DHRS3: variants seen among roughly 807,000 people sequenced by gnomAD.
DHRS3 encodes the protein short-chain dehydrogenase/reductase 3.
A neutral mutation model predicts 27.2 loss-of-function variants in DHRS3; 14 were observed. That is an observed-to-expected ratio of 0.52 (90% CI 0.34 to 0.81). The LOEUF (loss-of-function observed/expected upper bound fraction) is 0.81, where lower values mean the gene tolerates loss of function less well. DHRS3 is among the 30% of genes least tolerant of loss of function. The pLI, the probability that DHRS3 is intolerant of heterozygous loss-of-function variation, is 0.01. For synonymous variants in DHRS3, 165 were observed against 175.9 expected (o/e 0.94, Z 0.49); for missense variants, 322 against 406.2 (o/e 0.79, Z 1.78).
chr1:12,605,443 C>A (rs1415565323), intron 1 of DHRS3, among the ~76,000 whole-genome samples: 1 of 152,078 alleles, frequency 6.6e-6, no homozygotes, highest in Non-Finnish European at 1.5e-5. Context: ...ATTAATAGCA[C>A]CCTGTATATT....
chr1:12,617,327 C>T lies in DHRS3; in HGVS notation c.22G>A (p.Ala8Thr), dbSNP rs1646951164. 1 of 1,603,350 alleles carries T rather than the reference C, an allele frequency of 6.2e-7. No individual in the cohort carries two copies. Among genetic ancestry groups the T allele is most frequent in the Non-Finnish European group, 8.5e-7 (1 of 1,171,828 alleles). The part of the protein sequence containing the change: MVWKRLG[A>T]LVMFPLQMIY... ...ATCTGTAGAGGGAACATCACCAGCG[C>T]GCCCAGCCGTTTCCACACCATCCTC... Residue 8 changes from alanine to threonine, a missense_variant, in exon 1 of 6, where the codon GCG becomes ACG. Transcript: ENST00000616661.
chr1:12,592,300 A>G lies in DHRS3; in HGVS notation c.196-11634T>C, dbSNP rs557224669. On this transcript the variant is annotated intron_variant, in intron 1 of 5. Coordinates refer to ENST00000616661, the MANE Select transcript of DHRS3 (RefSeq NM_004753.7). This position sits in a 1 kb window ranked among gnomAD's most constrained non-coding sequence, Gnocchi z 4.2. Reference sequence around the variant, plus strand: ...CAAGTCCTAACCCTTGGTACCTGTGAATGTGACCTTATGCTGAAAGAGGGT... The same window carrying G: ...CAAGTCCTAACCCTTGGTACCTGTGGATGTGACCTTATGCTGAAAGAGGGT... Among the ~76,000 whole-genome samples, 1 of 152,194 alleles carries G rather than the reference A, an allele frequency of 6.6e-6. No homozygotes were observed. The highest frequency in any genetic ancestry group is 1.9e-4 in the East Asian group (1 of 5,174).
intron 1 of DHRS3, among the ~76,000 whole-genome samples, chr1:12,603,962 G>A (rs904170189): frequency 6.6e-6 from 1 of 152,202 alleles, no homozygotes; most frequent in African/African-American, 2.4e-5. Flanking sequence ...GCCTGCATCT[G>A]AGCCTGTAGG....
intron 1 of DHRS3, among the ~76,000 whole-genome samples, chr1:12,603,679 G>A (rs1358061807): frequency 6.6e-6 from 1 of 152,136 alleles, no homozygotes; most frequent in African/African-American, 2.4e-5. Context: ...GTGTTCCCTA[G>A]GAGGCTGTTT....
chr1:12,580,966 G>A (rs1646639038), intron 1 of DHRS3, among the ~76,000 whole-genome samples: 2 of 151,952 alleles, frequency 1.3e-5, no homozygotes, highest in Admixed American at 6.6e-5. Flanking sequence ...GGGACCACAG[G>A]TGCATGCTAC....
chr1:12,597,512 G>T (rs1445869716), intron 1 of DHRS3, among the ~76,000 whole-genome samples: 1 of 152,186 alleles, frequency 6.6e-6, no homozygotes, highest in Non-Finnish European at 1.5e-5. Flanking sequence ...CTGCTTTCTT[G>T]TCTTTGCAGC....
chr1:12,580,478 C>T (rs1480286653), intron 2 of DHRS3, 45 bp downstream of exon 2: 4 of 1,613,714 alleles, frequency 2.5e-6, no homozygotes, highest in African/African-American at 1.3e-5. Flanking sequence ...CCGGAATTAG[C>T]CTGTGGTCAG....
intron 5 of DHRS3, among the ~76,000 whole-genome samples, chr1:12,572,107 T>C (rs1272757602): frequency 6.6e-6 from 1 of 152,256 alleles, no homozygotes; most frequent in Non-Finnish European, 1.5e-5. Context: ...GGGTTTGTTA[T>C]AGCTATTTAT....
rs1422632761 is a variant in DHRS3, at chr1:12,618,056, C to T, written c.-708G>A. ...TGCAGCGCTCGCCCTCGCGCGCGCT[C>T]GCTCGCTCCGGCTCCCTCCCTCCCT... is the stretch of plus-strand genomic sequence containing the variant. On this transcript the variant is annotated 5_prime_UTR_variant, in exon 1 of 6. Coordinates refer to ENST00000616661, the MANE Select transcript of DHRS3 (RefSeq NM_004753.7). The surrounding 1 kb of genome is among the most constrained non-coding windows in gnomAD (Gnocchi z 4.2). Among the ~76,000 whole-genome samples, 1 of 152,100 alleles carries T rather than the reference C, an allele frequency of 6.6e-6. No homozygotes were observed. Among genetic ancestry groups the T allele is most frequent in the African/African-American group, 2.4e-5 (1 of 41,418 alleles).
intron 1 of DHRS3, among the ~76,000 whole-genome samples, chr1:12,607,294 C>T (rs1472650753): frequency 6.6e-6 from 1 of 152,154 alleles, no homozygotes; most frequent in African/African-American, 2.4e-5. Context: ...AAGGGTGATA[C>T]AGTTAAGCAT....
Position 12,600,659 on chromosome 1 carries a change from C to G in DHRS3, c.195+16495G>C, listed in dbSNP as rs76426581. On this transcript the variant is annotated intron_variant, in intron 1 of 5. Transcript: ENST00000616661. ...TGTGGGAGCACTAAAAGGAAGACCC[C>G]CCTCACCAACCACCTTGGAAGGACC... is the stretch of plus-strand genomic sequence containing the variant. Among the ~76,000 whole-genome samples the G allele has an allele frequency of 5.3e-3, 804 of 152,266 alleles. 9 individuals carry two copies. The highest frequency in any genetic ancestry group is 0.019 in the African/African-American group (779 of 41,544).
intron 1 of DHRS3, among the ~76,000 whole-genome samples, chr1:12,585,499 C>T (rs913592357): frequency 1.3e-5 from 2 of 152,144 alleles, no homozygotes; most frequent in Admixed American, 1.3e-4. Context: ...CACCTTCCAT[C>T]TTAGGAACCG....
intron 4 of DHRS3, among the ~76,000 whole-genome samples, chr1:12,576,738 G>T (rs1398513152): frequency 1.3e-5 from 2 of 151,530 alleles, no homozygotes; most frequent in Non-Finnish European, 2.9e-5. Flanking sequence ...ATTCAGAATT[G>T]ATGACAATTT....
In DHRS3 at chr1:12,617,198, C is replaced by A; in HGVS notation, c.151G>T (p.Gly51Trp). The change falls in exon 1 of 6, where the codon GGG becomes TGG. Residue 51 changes from glycine to tryptophan, a missense_variant. Coordinates refer to ENST00000616661, the MANE Select transcript of DHRS3 (RefSeq NM_004753.7). ...GCGAACTCGCGGGCGAGCTGACGCC[C>A]GATGCCTCTCCCGCCGCCGGTGATG... ...VLITGGGRGI[G>W]RQLAREFAER... 2 of 1,613,188 alleles carry A rather than the reference C, an allele frequency of 1.2e-6. No homozygotes were observed. Among genetic ancestry groups the A allele is most frequent in the Non-Finnish European group, 1.7e-6 (2 of 1,179,874 alleles).
intron 1 of DHRS3, among the ~76,000 whole-genome samples, chr1:12,615,958 C>T (rs1298108697): frequency 6.6e-6 from 1 of 152,210 alleles, no homozygotes; most frequent in African/African-American, 2.4e-5. Flanking sequence ...CAGGCTCCGG[C>T]CAGCCCGGCT....
intron 1 of DHRS3, among the ~76,000 whole-genome samples, chr1:12,599,334 C>A (rs1646820289): frequency 6.6e-6 from 1 of 152,240 alleles, no homozygotes; most frequent in Non-Finnish European, 1.5e-5. Flanking sequence ...AGGCCCTTGG[C>A]CCATAGGGCC....
At chr1:12,572,610 A>T in intron 5 of DHRS3, 118 bp downstream of exon 5, 1 of 1,474,712 alleles carries the variant, frequency 6.8e-7, no homozygotes, top group Non-Finnish European at 9.2e-7. Flanking sequence ...CACAGTAAGT[A>T]CAGTACATCA....
chr1:12,578,828 G>A lies in DHRS3; in HGVS notation c.588C>T (p.Phe196=), dbSNP rs529741930. The A allele has an allele frequency of 1.6e-5, 26 of 1,614,078 alleles. No homozygotes were observed. Among genetic ancestry groups the A allele is most frequent in the East Asian group, 2.2e-5 (1 of 44,886 alleles). The change falls in exon 4 of 6, where the codon TTC becomes TTT. Residue 196 remains phenylalanine, a synonymous_variant. Coordinates refer to ENST00000616661, the MANE Select transcript of DHRS3 (RefSeq NM_004753.7). This position sits in a 1 kb window ranked among gnomAD's most constrained non-coding sequence, Gnocchi z 4.5. The stretch of plus-strand genomic sequence containing the variant: ...CCAGGGTCAGGCTCTCCATGAAGGC[G>A]AAGGCTGACGCTTTGGATGTGCAGT... The part of the protein sequence containing the change: ...IDYCTSKASA[F]AFMESLTLGL...
At chr1:12,610,926 G>A (rs149331799) in intron 1 of DHRS3, among the ~76,000 whole-genome samples, 7 of 152,212 alleles carry the variant, frequency 4.6e-5, no homozygotes, top group East Asian at 1.9e-4. Flanking sequence ...GACCCATCCC[G>A]CACTGATGCT....
Sources: allele counts gnomAD v4.1 joint callset (sites outside exome capture counted in the v4.1 genomes callset), GRCh38; gene constraint gnomAD v4.1.1; non-coding constraint Gnocchi (gnomAD v3.1); transcripts MANE v1.5; gene names NCBI Gene and HGNC (gene_info 2026-07-23, HGNC 2026-07-21).